TGFB2: variants seen among roughly 807,000 people sequenced by gnomAD.
The protein encoded by TGFB2 is transforming growth factor beta-2 proprotein.
Under a neutral mutation model 42.7 loss-of-function variants are expected in TGFB2, and 13 were observed. The observed-to-expected ratio is 0.30, with a 90% confidence interval of 0.20 to 0.48. TGFB2 has a LOEUF of 0.48. TGFB2 is among the 20% of genes least tolerant of loss of function. TGFB2 has a pLI of 0.99. For missense variants in TGFB2, 390 were observed against 517.5 expected (o/e 0.75, Z 2.39); for synonymous variants, 193 against 193.6 (o/e 1.00, Z 0.03).
chr1:218,349,214 G>A (rs1173531133), intron 1 of TGFB2, among the ~76,000 whole-genome samples: 2 of 152,144 alleles, frequency 1.3e-5, no homozygotes, highest in Non-Finnish European at 2.9e-5. Flanking sequence ...TGGAAGTTTA[G>A]GAGCAGAAAG....
At chr1:218,401,472 T>C (rs950858749) in intron 1 of TGFB2, among the ~76,000 whole-genome samples, 1 of 152,162 alleles carries the variant, frequency 6.6e-6, no homozygotes, top group African/African-American at 2.4e-5. Context: ...TGAGAAAGCC[T>C]GGGAGGAGGA....
intron 1 of TGFB2, among the ~76,000 whole-genome samples, chr1:218,389,390 C>A (rs1359801892): frequency 6.6e-6 from 1 of 152,182 alleles, no homozygotes; most frequent in Non-Finnish European, 1.5e-5. Context: ...CTTACAAAGG[C>A]ACCCTCGCCC....
rs751816387 is a variant in TGFB2 at position 218,434,437 on chromosome 1, C to T, written c.743C>T (p.Ala248Val). The T allele has an allele frequency of 1.2e-6, 2 of 1,609,142 alleles. No individual in the cohort carries two copies. Among genetic ancestry groups the T allele is most frequent in the East Asian group, 4.5e-5 (2 of 44,746 alleles). The change falls in exon 4 of 7, where the codon GCA (alanine) becomes GTA (valine). Residue 248 changes from alanine to valine, a missense_variant. Transcript: ENST00000366930. ...IIPNKSEELEARFAGIDGTST... is the reference protein window; with the variant it reads ...IIPNKSEELEVRFAGIDGTST... Reference sequence around the variant, plus strand: ...CCAAATAAAAGTGAAGAACTAGAAGCAAGATTTGCAGGTAACCAAAACTTG... The same window carrying T: ...CCAAATAAAAGTGAAGAACTAGAAGTAAGATTTGCAGGTAACCAAAACTTG...
At chr1:218,418,352 C>G (rs928832501) in intron 2 of TGFB2, among the ~76,000 whole-genome samples, 1 of 152,180 alleles carries the variant, frequency 6.6e-6, no homozygotes, top group Non-Finnish European at 1.5e-5. Context: ...TTTCATGGGG[C>G]CTACAGCCCC....
chr1:218,398,437 T>C (rs1199455545), intron 1 of TGFB2, among the ~76,000 whole-genome samples: 3 of 152,226 alleles, frequency 2.0e-5, no homozygotes, highest in Admixed American at 6.5e-5. Flanking sequence ...CTAGACATCA[T>C]TGGGGGACTT....
At chr1:218,363,420 G>A (rs1657282671) in intron 1 of TGFB2, 1 of 1,612,448 alleles carries the variant, frequency 6.2e-7, no homozygotes, top group Non-Finnish European at 8.5e-7. Context: ...GTACCTTGGT[G>A]AGTACACTTG....
At chr1:218,421,858 A>G (rs1007764906) in intron 2 of TGFB2, among the ~76,000 whole-genome samples, 1 of 152,194 alleles carries the variant, frequency 6.6e-6, no homozygotes, top group Non-Finnish European at 1.5e-5. Flanking sequence ...AGATGAAGGC[A>G]GAAATTGAAG....
rs6668477 is a variant in TGFB2 at position 218,355,838 on chromosome 1, A to T, written c.346+8791A>T. On this transcript the variant is annotated intron_variant, in intron 1 of 6. Transcript: ENST00000366930. ...TAACTATTAGTTATAACATTAACTA[A>T]ATGTCACTGCCAATTAACTCAGCCA... Among the ~76,000 whole-genome samples the T allele has an allele frequency of 8.4e-3, 1,280 of 152,376 alleles. 18 individuals are homozygous for T. Among genetic ancestry groups the T allele is most frequent in the African/African-American group, 0.028 (1,182 of 41,580 alleles).
intron 6 of TGFB2, among the ~76,000 whole-genome samples, chr1:218,437,912 ATG>A (rs1456825399): frequency 1.3e-5 from 2 of 152,212 alleles, no homozygotes; most frequent in African/African-American, 2.4e-5. Flanking sequence ...CATGTATACA[ATG>A]TGTAATGATG....
At chr1:218,395,906 G>A (rs1021894675) in intron 1 of TGFB2, among the ~76,000 whole-genome samples, 15 of 152,210 alleles carry the variant, frequency 9.9e-5, no homozygotes, top group African/African-American at 1.4e-4. Context: ...GAGCCACCGC[G>A]CCAGGCCTTG....
At chr1:218,432,840 C>T (rs1659850035) in intron 2 of TGFB2, among the ~76,000 whole-genome samples, 1 of 152,082 alleles carries the variant, frequency 6.6e-6, no homozygotes, top group South Asian at 2.1e-4. Flanking sequence ...ACAAAAATGA[C>T]AGCTTGAACC....
At chr1:218,436,761 C>T (rs1327378717) in intron 5 of TGFB2, among the ~76,000 whole-genome samples, 1 of 152,194 alleles carries the variant, frequency 6.6e-6, no homozygotes, top group Non-Finnish European at 1.5e-5. Flanking sequence ...TGATGAAGTG[C>T]TCAAAATGTC....
At chr1:218,418,535 A>G (rs569182510) in intron 2 of TGFB2, among the ~76,000 whole-genome samples, 4 of 152,134 alleles carry the variant, frequency 2.6e-5, no homozygotes, top group Non-Finnish European at 5.9e-5. Context: ...TTAATGCTGA[A>G]ATGAGTTAAG....
chr1:218,429,855 T>C (rs1659750501), intron 2 of TGFB2, among the ~76,000 whole-genome samples: 1 of 152,180 alleles, frequency 6.6e-6, no homozygotes, highest in Non-Finnish European at 1.5e-5. Context: ...TAAGCAGGTT[T>C]AGAAATGTAT....
chr1:218,433,957 A>G (rs1571900860), intron 2 of TGFB2, 125 bp from the exon 3 acceptor site: 2 of 1,271,682 alleles, frequency 1.6e-6, no homozygotes, highest in African/African-American at 1.5e-5. Flanking sequence ...TGAGATGACA[A>G]TGCATGGCTA....
intron 2 of TGFB2, among the ~76,000 whole-genome samples, chr1:218,425,393 G>A (rs1207935505): frequency 6.6e-6 from 1 of 151,938 alleles, no homozygotes; most frequent in African/African-American, 2.4e-5. Flanking sequence ...ATTTTTAGTA[G>A]AGACGGGATT....
intron 1 of TGFB2, among the ~76,000 whole-genome samples, chr1:218,394,215 G>A (rs1367552769): frequency 6.6e-6 from 1 of 152,076 alleles, no homozygotes; most frequent in Non-Finnish European, 1.5e-5. Flanking sequence ...GGCCGGCATT[G>A]GCCTCTTAAC....
rs1261373058 is a variant in TGFB2 at position 218,405,087 on chromosome 1, C to T, written c.347-82C>T. 21 of 1,427,818 alleles carry T rather than the reference C, an allele frequency of 1.5e-5. No homozygotes were observed. In the East Asian group the frequency reaches 4.4e-4, roughly 30 times the overall value. 88.4% of individuals were successfully genotyped at this position (1,427,818 alleles called of 1,614,324 possible). A position where few individuals can be genotyped will look rare whatever the true frequency, so the allele number is the denominator to read the frequency against. ...TCTGTAGATATTTCCCTTATGGTTTCTTGGGATTATCTCACGCTACAGTCT... is the reference window on the plus strand; with the variant it reads ...TCTGTAGATATTTCCCTTATGGTTTTTTGGGATTATCTCACGCTACAGTCT... On this transcript the variant is annotated intron_variant, in intron 1 of 6. Coordinates refer to ENST00000366930, the MANE Select transcript of TGFB2 (RefSeq NM_003238.6).
At chr1:218,394,679 T>C (rs1222864224) in intron 1 of TGFB2, among the ~76,000 whole-genome samples, 1 of 152,128 alleles carries the variant, frequency 6.6e-6, no homozygotes, top group East Asian at 1.9e-4. Flanking sequence ...CTGTGTTACA[T>C]GTAATAGGTG....
Sources: gnomAD v4.1 joint callset for allele counts (sites outside exome capture counted in the v4.1 genomes callset) on GRCh38, gnomAD v4.1.1 for gene constraint, MANE v1.5 for transcripts, NCBI Gene and HGNC (gene_info 2026-07-23, HGNC 2026-07-21) for gene names.